AGAP1: variants seen among roughly 807,000 people sequenced by gnomAD.
The protein encoded by AGAP1 is ArfGAP with GTPase domain, ankyrin repeat and PH domain 1.
Under a neutral mutation model 105.3 loss-of-function variants are expected in AGAP1, and 29 were observed. The observed-to-expected ratio is 0.28, with a 90% CI of 0.21 to 0.38. AGAP1 has a LOEUF of 0.38. AGAP1 is among the 10% of genes least tolerant of loss of function. The pLI is 1.00. For synonymous variants in AGAP1, 509 were observed against 485.9 expected, an observed-to-expected ratio of 1.05 and a Z score of -0.63; for missense variants, 998 against 1,165.1, an observed-to-expected ratio of 0.86 and a Z score of 2.09.
intron 13 of AGAP1, among the ~76,000 whole-genome samples, chr2:236,007,717 AAG>A (rs1469967936): frequency 1.3e-5 from 2 of 152,256 alleles, no homozygotes; most frequent in African/African-American, 2.4e-5. Context: ...GAGGGAAAAA[AAG>A]AGATGAATGT....
intron 1 of AGAP1, among the ~76,000 whole-genome samples, chr2:235,563,605 A>C: frequency 1.4e-5 from 2 of 145,414 alleles, no homozygotes; most frequent in African/African-American, 5.1e-5. Context: ...GGGTGGGGGG[A>C]CTTGGATTGT....
chr2:235,716,623 A>T lies in AGAP1; in HGVS notation c.223-934A>T, dbSNP rs1438492633. Among the ~76,000 whole-genome samples the T allele has an allele frequency of 6.6e-6, 1 of 152,136 alleles. No homozygotes were observed. Among genetic ancestry groups the T allele is most frequent in the Non-Finnish European group, 1.5e-5 (1 of 68,036 alleles). ...GATTAGATCATGCTTAAATTTGATC[A>T]CTAGCGATGTTCTAGTGGGGGAGGA... On this transcript the variant is annotated intron_variant, in intron 2 of 17. Transcript: ENST00000304032. This position sits in a 1 kb window ranked among gnomAD's most constrained non-coding sequence, Gnocchi z 4.0.
At chr2:235,781,185 T>G (rs1410061071) in intron 6 of AGAP1, among the ~76,000 whole-genome samples, 1 of 152,206 alleles carries the variant, frequency 6.6e-6, no homozygotes, top group African/African-American at 2.4e-5. Flanking sequence ...TGAAGCTCAG[T>G]CTTGTGAAAA....
rs1025161699 is a variant in AGAP1 at position 235,960,984 on chromosome 2, C to G, written c.1484-7478C>G. On this transcript the variant is annotated intron_variant, in intron 12 of 17. Coordinates refer to ENST00000304032, the MANE Select transcript of AGAP1 (RefSeq NM_001037131.3). The surrounding 1 kb of genome is among the most constrained non-coding windows in gnomAD (Gnocchi z 4.9). ...GAAAGTGGTCCGTTCCATCCACCCG[C>G]GCAAGTGTCTGTCACACAGAGGTTA... 6.6e-6 allele frequency among the ~76,000 whole-genome samples: 1 copy of G among 152,202 alleles called. No individual in the cohort carries two copies. The highest frequency in any genetic ancestry group is 1.5e-5 in the Non-Finnish European group (1 of 68,044).
intron 9 of AGAP1, among the ~76,000 whole-genome samples, chr2:235,851,486 C>A (rs1013178591): frequency 1.3e-5 from 2 of 152,204 alleles, no homozygotes; most frequent in Non-Finnish European, 2.9e-5. Context: ...AAATGGCCCT[C>A]GTTTCAGAGA....
Position 235,662,905 on chromosome 2 carries a change from G to A in AGAP1, c.164-46274G>A, listed in dbSNP as rs1004991426. ...CTGTGTCAGATGTGATTCCGGGGAC[G>A]CAGTTCTTTCTTAAGAGCTCTGATG... On this transcript the variant is annotated intron_variant, in intron 1 of 17. Coordinates refer to ENST00000304032, the MANE Select transcript of AGAP1 (RefSeq NM_001037131.3). The surrounding 1 kb of genome is among the most constrained non-coding windows in gnomAD (Gnocchi z 4.2). Among the ~76,000 whole-genome samples, 14 of 152,290 alleles carry A rather than the reference G, an allele frequency of 9.2e-5. No homozygotes were observed. The highest frequency in any genetic ancestry group is 1.9e-4 in the East Asian group (1 of 5,176).
chr2:235,844,262 GA>G (rs1961205622), intron 9 of AGAP1, among the ~76,000 whole-genome samples: 1 of 152,126 alleles, frequency 6.6e-6, no homozygotes, highest in Admixed American at 6.5e-5. Flanking sequence ...TTGAATGCAG[GA>G]GCCAGGCAGG....
intron 1 of AGAP1, among the ~76,000 whole-genome samples, chr2:235,676,366 G>A (rs1442682121): frequency 6.6e-6 from 1 of 152,204 alleles, no homozygotes; most frequent in Non-Finnish European, 1.5e-5. Context: ...TGTAGACACT[G>A]TGCTTGACAC....
In AGAP1 at chr2:235,807,224, C is replaced by A; in HGVS notation, c.958-15C>A. On this transcript the variant is annotated splice_polypyrimidine_tract_variant and intron_variant, in intron 8 of 17. Transcript: ENST00000304032. The stretch of plus-strand genomic sequence containing the variant: ...CAGCCCTTACCCAGATGCCAACTTT[C>A]CTTTTGCTTTGCAGTCTCGGAAAGG... The A allele has an allele frequency of 6.2e-7, 1 of 1,608,968 alleles. No individual in the cohort carries two copies.
rs138564637 is a variant in AGAP1, at chr2:235,754,130, G to T, written c.673+3642G>T. The stretch of plus-strand genomic sequence containing the variant: ...CCCCATCTTGGGACCTGAGAGCCTC[G>T]ACTTAACCACAGCACCGGGACATTT... On this transcript the variant is annotated intron_variant, in intron 6 of 17. Coordinates refer to ENST00000304032, the MANE Select transcript of AGAP1 (RefSeq NM_001037131.3). This position sits in a 1 kb window ranked among gnomAD's most constrained non-coding sequence, Gnocchi z 4.6. Among the ~76,000 whole-genome samples the T allele has an allele frequency of 6.6e-6, 1 of 152,134 alleles. No homozygotes were observed.
chr2:235,954,171 A>G (rs13411172), intron 12 of AGAP1, among the ~76,000 whole-genome samples: 7,281 of 151,762 alleles, frequency 0.048, 582 homozygotes, highest in African/African-American at 0.17. Flanking sequence ...CCCGGGAGGC[A>G]GAAGTTGCGG....
rs535126260 is a variant in AGAP1, at chr2:236,109,429, A to G, written c.2115-10763A>G. Among the ~76,000 whole-genome samples, 2 of 151,188 alleles carry G rather than the reference A, an allele frequency of 1.3e-5. No individual in the cohort carries two copies. Among genetic ancestry groups the G allele is most frequent in the East Asian group, 3.9e-4 (2 of 5,192 alleles). On this transcript the variant is annotated intron_variant, in intron 16 of 17. Transcript: ENST00000304032. The surrounding 1 kb of genome is among the most constrained non-coding windows in gnomAD (Gnocchi z 5.4). ...ATCTTTGTAATTATTATAAATATTTATAATAATAAATTATAGATAGTTTTG... is the reference window on the plus strand; with the variant it reads ...ATCTTTGTAATTATTATAAATATTTGTAATAATAAATTATAGATAGTTTTG...
intron 1 of AGAP1, among the ~76,000 whole-genome samples, chr2:235,696,962 G>A (rs567004765): frequency 1.4e-4 from 21 of 151,604 alleles, no homozygotes; most frequent in African/African-American, 4.9e-4. Flanking sequence ...CCAGCCTGGC[G>A]ACAGAGCCTG....
chr2:235,509,010 C>A (rs1326030553), intron 1 of AGAP1, among the ~76,000 whole-genome samples: 2 of 152,196 alleles, frequency 1.3e-5, no homozygotes, highest in Admixed American at 1.3e-4. Flanking sequence ...TATCTGCTTC[C>A]CACTCACTGG....
chr2:236,034,831 G>A (rs2057330948), intron 13 of AGAP1, among the ~76,000 whole-genome samples: 1 of 152,210 alleles, frequency 6.6e-6, no homozygotes. Context: ...AGCACCTAGG[G>A]AGTCACAGAC....
Position 235,559,440 on chromosome 2 carries a change from CGTTA to C in AGAP1, c.163+64594_163+64597del, listed in dbSNP as rs1401922238. ...TTGCCGTGTGCCAGTGATTGATTGA[CGTTA>C]GTGTCGGTATCTCTCATTGCGAACA... On this transcript the variant is annotated intron_variant, in intron 1 of 17. Coordinates refer to ENST00000304032, the MANE Select transcript of AGAP1 (RefSeq NM_001037131.3). The surrounding 1 kb of genome is among the most constrained non-coding windows in gnomAD (Gnocchi z 5.7). Among the ~76,000 whole-genome samples the C allele has an allele frequency of 3.3e-5, 5 of 152,140 alleles. No homozygotes were observed. Among genetic ancestry groups the C allele is most frequent in the African/African-American group, 1.2e-4 (5 of 41,418 alleles).
intron 9 of AGAP1, among the ~76,000 whole-genome samples, chr2:235,834,228 G>T (rs1229547548): frequency 2.0e-5 from 3 of 152,182 alleles, no homozygotes; most frequent in African/African-American, 2.4e-5. Flanking sequence ...ACTTCCACAG[G>T]TACACAGAGG....
intron 1 of AGAP1, among the ~76,000 whole-genome samples, chr2:235,580,548 C>T (rs1030747830): frequency 1.3e-5 from 2 of 152,086 alleles, no homozygotes; most frequent in East Asian, 1.9e-4. Context: ...GAGTGCTTCT[C>T]TCTTAGAATA....
intron 1 of AGAP1, among the ~76,000 whole-genome samples, chr2:235,560,052 C>T (rs960787615): frequency 9.9e-5 from 15 of 152,004 alleles, no homozygotes; most frequent in Admixed American, 5.9e-4. Flanking sequence ...TTTAAGAAAT[C>T]GCTGCCTAAT....
Sources: gnomAD v4.1 joint callset for allele counts (sites outside exome capture counted in the v4.1 genomes callset) on GRCh38, gnomAD v4.1.1 for gene constraint, Gnocchi (gnomAD v3.1) non-coding constraint, MANE v1.5 for transcripts, NCBI Gene and HGNC (gene_info 2026-07-23, HGNC 2026-07-21) for gene names.